DYNLRB2: variants seen among roughly 807,000 people sequenced by gnomAD.
DYNLRB2 encodes dynein light chain roadblock-type 2.
A neutral mutation model predicts 12.6 loss-of-function variants in DYNLRB2; 14 were observed. The ratio of observed to expected loss-of-function variants is 1.11; its 90% CI spans 0.73 to 1.73. The LOEUF (loss-of-function observed/expected upper bound fraction) is 1.73. Among genes scored for constraint, DYNLRB2 ranks in the 40% most tolerant of loss-of-function variants. The pLI is 0.00. For missense variants in DYNLRB2, 142 were observed against 117.7 expected (o/e 1.21, Z -0.95); for synonymous variants, 53 against 37.0 (o/e 1.43, Z -1.57).
At chr16:80,540,795 C>T, upstream of DYNLRB2, 1 of 705,050 alleles carries the variant, frequency 1.4e-6, no homozygotes, top group Non-Finnish European at 2.6e-6. Context: ...AGGCCGGGAG[C>T]CTGACCCACT....
chr16:80,550,236 T>C (rs1904757435), intron 3 of DYNLRB2, among the ~76,000 whole-genome samples: 1 of 152,206 alleles, frequency 6.6e-6, no homozygotes, highest in Admixed American at 6.5e-5. Flanking sequence ...TACACCAGTG[T>C]CCTCACCCTG....
chr16:80,542,666 C>T (rs1177786290), intron 1 of DYNLRB2, among the ~76,000 whole-genome samples: 1 of 152,146 alleles, frequency 6.6e-6, no homozygotes, highest in African/African-American at 2.4e-5. Flanking sequence ...TAATAGATTC[C>T]AGAATAATCA....
At chr16:80,549,323 A>G in intron 2 of DYNLRB2, 161 bp from the exon 3 acceptor site, 1 of 660,980 alleles carries the variant, frequency 1.5e-6, no homozygotes, top group South Asian at 2.7e-5. Flanking sequence ...ACGTAGCGAC[A>G]AAAGGATTTG....
intron 2 of DYNLRB2, among the ~76,000 whole-genome samples, chr16:80,548,690 C>A (rs1437340539): frequency 6.7e-6 from 1 of 149,796 alleles, no homozygotes; most frequent in African/African-American, 2.5e-5. Context: ...CCGTCGCACT[C>A]CAGCCTGGGG....
chr16:80,549,345 C>A, intron 2 of DYNLRB2, 139 bp from the exon 3 acceptor site: 12 of 852,082 alleles, frequency 1.4e-5, no homozygotes, highest in Non-Finnish European at 2.0e-5. Flanking sequence ...GGGAAATAAA[C>A]TAAAATTGTT....
chr16:80,541,575 T>A (rs1414055458), intron 1 of DYNLRB2, among the ~76,000 whole-genome samples: 7 of 56,776 alleles, frequency 1.2e-4, no homozygotes, highest in East Asian at 5.8e-4. Flanking sequence ...CCCGCCCCCC[T>A]CCCCCCCAGA....
intron 3 of DYNLRB2, 89 bp downstream of exon 3, chr16:80,549,740 T>C: frequency 3.9e-6 from 5 of 1,287,818 alleles, no homozygotes; most frequent in Non-Finnish European, 5.2e-6. Flanking sequence ...GTACAGATTT[T>C]AGTATAGAAT....
intron 2 of DYNLRB2, among the ~76,000 whole-genome samples, chr16:80,546,939 A>G (rs978441856): frequency 2.0e-5 from 3 of 152,234 alleles, no homozygotes; most frequent in African/African-American, 4.8e-5. Flanking sequence ...AAGTAGTGCC[A>G]TCAGATTTTA....
intron 2 of DYNLRB2, chr16:80,548,987 G>C (rs1308184944): frequency 2.2e-6 from 1 of 455,848 alleles, no homozygotes; most frequent in East Asian, 6.9e-5. Context: ...CTTCAGAGCA[G>C]ACTCACTATA....
At chr16:80,549,422 A>C in intron 2 of DYNLRB2, 62 bp from the exon 3 acceptor site, 1 of 1,461,288 alleles carries the variant, frequency 6.8e-7, no homozygotes, top group Non-Finnish European at 9.2e-7. Flanking sequence ...CAATACTTCC[A>C]CACTGTACTT....
chr16:80,541,176 G>C, intron 1 of DYNLRB2, 97 bp downstream of exon 1: 4 of 1,495,042 alleles, frequency 2.7e-6, no homozygotes, highest in South Asian at 1.4e-5. Flanking sequence ...AGGCACGGGC[G>C]GTCCAGGGGC....
chr16:80,544,216 A>G (rs1904323628), intron 2 of DYNLRB2, among the ~76,000 whole-genome samples: 1 of 152,228 alleles, frequency 6.6e-6, no homozygotes, highest in South Asian at 2.1e-4. Flanking sequence ...ACCACTAAGA[A>G]TGGACAATAA....
At chr16:80,550,106 C>T (rs964004180) in intron 3 of DYNLRB2, among the ~76,000 whole-genome samples, 2 of 152,250 alleles carry the variant, frequency 1.3e-5, no homozygotes, top group Middle Eastern at 3.4e-3. Flanking sequence ...GAATTAGGTT[C>T]GCAATATTAC....
upstream of DYNLRB2, chr16:80,540,889 C>A (rs1382665539): frequency 9.6e-7 from 1 of 1,042,876 alleles, no homozygotes; most frequent in Non-Finnish European, 1.5e-6. Context: ...CGAACCTTCG[C>A]CTACGGCGGC....
chr16:80,542,884 C>T (rs935567087), intron 1 of DYNLRB2, among the ~76,000 whole-genome samples: 1 of 152,136 alleles, frequency 6.6e-6, no homozygotes, highest in Admixed American at 6.5e-5. Flanking sequence ...ATATTTAAAG[C>T]ACTGTAATGT....
chr16:80,547,354 A>G (rs1904537453), intron 2 of DYNLRB2, among the ~76,000 whole-genome samples: 1 of 152,210 alleles, frequency 6.6e-6, no homozygotes, highest in South Asian at 2.1e-4. Context: ...GGAAGTGGGT[A>G]AATTTTATAC....
At position 80,550,524 on chromosome 16, in the gene DYNLRB2, A is replaced by C; in HGVS notation, c.257A>C (p.Tyr86Ser). Residue 86 changes from tyrosine (Y) to serine (S), a missense_variant, in exon 4 of 4, where the codon TAT becomes TCT. Coordinates refer to ENST00000305904, the MANE Select transcript of DYNLRB2 (RefSeq NM_130897.3). ...HEIMVAPDKE[Y>S]LLIVIQNPCE ...ATCCATCTCTCCATAGATAAGGAAT[A>C]TCTTCTGATCGTCATTCAGAATCCA... 1 of 1,614,198 alleles carries C rather than the reference A, an allele frequency of 6.2e-7. No individual in the cohort carries two copies. Among genetic ancestry groups the C allele is most frequent in the Non-Finnish European group, 8.5e-7 (1 of 1,180,022 alleles).
chr16:80,545,852 T>G (rs1266678370), intron 2 of DYNLRB2, among the ~76,000 whole-genome samples: 43 of 147,612 alleles, frequency 2.9e-4, no homozygotes, highest in Non-Finnish European at 5.7e-4. Context: ...ATTTTTTGTT[T>G]TTTTTTTTTT....
intron 2 of DYNLRB2, chr16:80,549,186 A>G (rs1400241720): frequency 5.6e-6 from 2 of 355,218 alleles, no homozygotes; most frequent in East Asian, 1.2e-4. Flanking sequence ...ATAGTGAAGT[A>G]TGCAGTTATT....
Sources: gnomAD v4.1 joint callset for allele counts (sites outside exome capture counted in the v4.1 genomes callset) on GRCh38, gnomAD v4.1.1 for gene constraint, MANE v1.5 for transcripts, NCBI Gene and HGNC (gene_info 2026-07-23, HGNC 2026-07-21) for gene names.